Variants in SUCLG2 observed in about 807,000 individuals in gnomAD.
SUCLG2 encodes the protein succinate--CoA ligase [GDP-forming] subunit beta, mitochondrial.
In SUCLG2, 42 loss-of-function variants were observed where a neutral mutation model predicts 47.9. That is an observed-to-expected ratio of 0.88 (90% CI 0.69 to 1.14). The LOEUF (loss-of-function observed/expected upper bound fraction) is 1.14. Ranked by LOEUF, SUCLG2 falls within the 50% of genes most tolerant of loss-of-function variation. SUCLG2 has a pLI of 0.00. For synonymous variants in SUCLG2, 195 were observed against 197.3 expected (o/e 0.99, Z 0.10); for missense variants, 571 against 525.9 (o/e 1.09, Z -0.84).
intron 1 of SUCLG2, 128 bp from the exon 2 acceptor site, chr3:67,609,724 A>AC: frequency 1.2e-6 from 1 of 830,390 alleles, no homozygotes; most frequent in Non-Finnish European, 1.7e-6. Context: ...GAGAAGCAAA[A>AC]GAAAAAAAAA....
intron 4 of SUCLG2, among the ~76,000 whole-genome samples, chr3:67,522,231 G>C: frequency 6.6e-6 from 1 of 151,844 alleles, no homozygotes; most frequent in Non-Finnish European, 1.5e-5. Context: ...TTTTTGTAGA[G>C]ATGGGGTCTT....
At chr3:67,605,350 C>G (rs918186150) in intron 2 of SUCLG2, among the ~76,000 whole-genome samples, 2 of 152,162 alleles carry the variant, frequency 1.3e-5, no homozygotes, top group Non-Finnish European at 2.9e-5. Context: ...CAGGTAATCT[C>G]AGTGATGTGC....
chr3:67,395,785 A>G (rs1559510149), intron 10 of SUCLG2, among the ~76,000 whole-genome samples: 3 of 152,142 alleles, frequency 2.0e-5, no homozygotes, highest in Non-Finnish European at 2.9e-5. Flanking sequence ...AGCTCTCCTC[A>G]GCTAAAGTAA....
intron 1 of SUCLG2, among the ~76,000 whole-genome samples, chr3:67,614,703 C>T (rs187130611): frequency 1.3e-5 from 2 of 152,116 alleles, no homozygotes; most frequent in Admixed American, 6.5e-5. Context: ...AGAAGTTTCC[C>T]AGTTAGTCAC....
intron 6 of SUCLG2, chr3:67,513,946 T>C (rs1705867392): frequency 5.5e-6 from 1 of 182,454 alleles, no homozygotes. Flanking sequence ...CAAGATGCCA[T>C]TCCCAAAGTA....
intron 10 of SUCLG2, among the ~76,000 whole-genome samples, chr3:67,377,220 C>T (rs1486643714): frequency 6.6e-6 from 1 of 152,190 alleles, no homozygotes; most frequent in African/African-American, 2.4e-5. Context: ...AGAGATGGGA[C>T]TTGAACTGTT....
intron 10 of SUCLG2, among the ~76,000 whole-genome samples, chr3:67,395,922 C>G (rs1702515079): frequency 6.6e-6 from 1 of 152,176 alleles, no homozygotes; most frequent in African/African-American, 2.4e-5. Context: ...TGAATGACTA[C>G]TGGGTACATA....
At chr3:67,452,422 G>A (rs1704077594) in intron 9 of SUCLG2, among the ~76,000 whole-genome samples, 1 of 152,166 alleles carries the variant, frequency 6.6e-6, no homozygotes, top group Non-Finnish European at 1.5e-5. Context: ...TGTAATTAGT[G>A]CATTGATTTT....
chr3:67,478,202 A>C (rs1367207294), intron 9 of SUCLG2, among the ~76,000 whole-genome samples: 1 of 152,186 alleles, frequency 6.6e-6, no homozygotes, highest in African/African-American at 2.4e-5. Context: ...AAATGACCAC[A>C]ATACCCATAG....
downstream of SUCLG2, among the ~76,000 whole-genome samples, chr3:67,371,616 C>T (rs1192722196): frequency 3.3e-5 from 5 of 152,182 alleles, no homozygotes; most frequent in Non-Finnish European, 7.3e-5. Context: ...CTGCCAGTTG[C>T]TTATGGTGAT....
In SUCLG2 at chr3:67,374,793, T is replaced by C; in HGVS notation, c.*951A>G. 1 of 981,806 alleles carries C rather than the reference T, an allele frequency of 1.0e-6. No individual in the cohort carries two copies. Among genetic ancestry groups the C allele is most frequent in the Non-Finnish European group, 1.2e-6 (1 of 827,308 alleles). 60.8% of individuals were successfully genotyped at this position (981,806 alleles called of 1,614,324 possible). A position where few individuals can be genotyped will look rare whatever the true frequency, so the allele number is the denominator to read the frequency against. ...TACCAAAATTTAAACAAAAATTTTA[T>C]CCAAATCCTTTCCCACAACAAAATT... On this transcript the variant is annotated 3_prime_UTR_variant, in exon 11 of 11. Transcript: ENST00000307227.
chr3:67,377,071 G>A (rs2106759025), intron 10 of SUCLG2, among the ~76,000 whole-genome samples: 1 of 152,358 alleles, frequency 6.6e-6, no homozygotes, highest in Non-Finnish European at 1.5e-5. Context: ...GCCAGGCACA[G>A]TGCTAAGTAA....
At chr3:67,465,619 A>G (rs1236846910) in intron 9 of SUCLG2, among the ~76,000 whole-genome samples, 1 of 152,202 alleles carries the variant, frequency 6.6e-6, no homozygotes, top group Non-Finnish European at 1.5e-5. Context: ...CTCCCAGCCG[A>G]GTAGGGGCAT....
intron 9 of SUCLG2, among the ~76,000 whole-genome samples, chr3:67,429,094 C>A (rs1007538618): frequency 2.6e-5 from 4 of 152,128 alleles, no homozygotes; most frequent in African/African-American, 9.7e-5. Flanking sequence ...TCAGGAAATA[C>A]AGAGAATGCC....
intron 2 of SUCLG2, among the ~76,000 whole-genome samples, chr3:67,576,905 G>A (rs1185121036): frequency 6.8e-6 from 1 of 146,108 alleles, no homozygotes; most frequent in Non-Finnish European, 1.5e-5. Context: ...GTCAATATCA[G>A]TCATTTAATT....
chr3:67,554,812 T>C (rs2107202964), intron 2 of SUCLG2, among the ~76,000 whole-genome samples: 2 of 152,156 alleles, frequency 1.3e-5, no homozygotes, highest in East Asian at 3.9e-4. Context: ...CCACAACTAG[T>C]TACAAGGGAG....
At position 67,640,757 on chromosome 3, in the gene SUCLG2, T is replaced by G. The variant is rs191067007; in HGVS notation, c.84+13746A>C. Reference sequence around the variant, plus strand: ...TAGAACCCTCAGAAGTGATTTCACTTTTATGTTCATTATTGTTCATTTACA... The same window carrying G: ...TAGAACCCTCAGAAGTGATTTCACTGTTATGTTCATTATTGTTCATTTACA... On this transcript the variant is annotated intron_variant, in intron 1 of 10. Coordinates refer to ENST00000307227, the MANE Select transcript of SUCLG2 (RefSeq NM_003848.4). Among the ~76,000 whole-genome samples, 547 of 152,356 alleles carry G rather than the reference T, an allele frequency of 3.6e-3. 3 individuals carry two copies. The highest frequency in any genetic ancestry group is 0.013 in the African/African-American group (522 of 41,572).
chr3:67,402,687 G>T (rs967082291), intron 9 of SUCLG2, among the ~76,000 whole-genome samples: 2 of 152,210 alleles, frequency 1.3e-5, no homozygotes, highest in Non-Finnish European at 2.9e-5. Flanking sequence ...GACCTGCTGA[G>T]GCTCAGTAAG....
intron 4 of SUCLG2, among the ~76,000 whole-genome samples, chr3:67,523,085 C>T (rs1039587793): frequency 7.9e-5 from 12 of 152,120 alleles, no homozygotes; most frequent in African/African-American, 2.9e-4. Flanking sequence ...ACGCACCCGG[C>T]CACATTGCTT....
Sources: gnomAD v4.1 joint callset for allele counts (sites outside exome capture counted in the v4.1 genomes callset) on GRCh38, gnomAD v4.1.1 for gene constraint, MANE v1.5 for transcripts, NCBI Gene and HGNC (gene_info 2026-07-23, HGNC 2026-07-21) for gene names.